The following ALPK1 variants were observed in gnomAD, a reference collection of about 807,000 sequenced individuals.
ALPK1 encodes the protein alpha kinase 1.
In ALPK1, 110 loss-of-function variants were observed where a neutral mutation model predicts 120.6. That is an observed-to-expected ratio of 0.91 (90% CI 0.78 to 1.07). The LOEUF is 1.07. Among genes scored for constraint, ALPK1 ranks in the 50% least tolerant of loss-of-function variants. The probability of loss-of-function intolerance (pLI) is 0.00; values close to 1 mark genes in which losing one functional copy is unlikely to be tolerated. For synonymous variants in ALPK1, 582 were observed against 560.3 expected (o/e 1.04, Z -0.55); for missense variants, 1,498 against 1,483.9 (o/e 1.01, Z -0.16).
intron 2 of ALPK1, among the ~76,000 whole-genome samples, chr4:112,349,551 G>GCCCCCCCCCCCCCCCC (rs10625139): frequency 1.9e-5 from 2 of 103,714 alleles, no homozygotes; most frequent in African/African-American, 8.1e-5. Flanking sequence ...CCCAACCCCT[G>GCCCCCCCCCCCCCCCC]CCCCCCCCCG....
At chr4:112,393,260 T>C (rs1732505303) in intron 4 of ALPK1, among the ~76,000 whole-genome samples, 1 of 152,186 alleles carries the variant, frequency 6.6e-6, no homozygotes, top group African/African-American at 2.4e-5. Context: ...TATTGGCAGA[T>C]AGGCTGCCAT....
chr4:112,404,422 A>G (rs1163165796), intron 4 of ALPK1, among the ~76,000 whole-genome samples: 1 of 152,250 alleles, frequency 6.6e-6, no homozygotes, highest in Non-Finnish European at 1.5e-5. Context: ...AAACAGCACC[A>G]CAAATGAATA....
rs1300534146 is a variant in ALPK1, at chr4:112,430,819, C to G, written c.1272C>G (p.Phe424Leu). ...QVKEHLQVQSFSNVDDRSYVP... is the reference protein window; with the variant it reads ...QVKEHLQVQSLSNVDDRSYVP... ...AGGAACATTTACAAGTTCAAAGCTTCTCAAATGTAGATGACAGATCTTATG... is the reference window on the plus strand; with the variant it reads ...AGGAACATTTACAAGTTCAAAGCTTGTCAAATGTAGATGACAGATCTTATG... Residue 424 changes from phenylalanine (F) to leucine (L), a missense_variant, in exon 11 of 16, where the codon TTC (phenylalanine) becomes TTG (leucine). Physicochemically the swap from Phe to Leu is conservative, Grantham distance 22. Transcript: ENST00000650871. 6.2e-7 allele frequency: 1 copy of G among 1,614,108 alleles called. No individual in the cohort carries two copies. The highest frequency in any genetic ancestry group is 1.3e-5 in the African/African-American group (1 of 74,936).
At chr4:112,335,262 TA>T (rs577049601) in intron 2 of ALPK1, among the ~76,000 whole-genome samples, 797 of 102,060 alleles carry the variant, frequency 7.8e-3, no homozygotes, top group African/African-American at 0.013. Context: ...AAAATCTGTC[TA>T]AAAAAAAAAA....
intron 2 of ALPK1, among the ~76,000 whole-genome samples, chr4:112,350,384 T>A (rs77860718): frequency 1.3e-5 from 2 of 152,214 alleles, no homozygotes; most frequent in Non-Finnish European, 2.9e-5. Flanking sequence ...TACAATATGC[T>A]TCATGCTGTT....
At chr4:112,424,621 C>G (rs1030659252) in intron 6 of ALPK1, among the ~76,000 whole-genome samples, 1 of 152,276 alleles carries the variant, frequency 6.6e-6, no homozygotes, top group East Asian at 1.9e-4. Context: ...CTTTTAAACT[C>G]AGCATGCTTG....
At chr4:112,321,984 G>T (rs188482268) in intron 2 of ALPK1, among the ~76,000 whole-genome samples, 1 of 151,822 alleles carries the variant, frequency 6.6e-6, no homozygotes, top group South Asian at 2.1e-4. Flanking sequence ...AGTAGAGGGC[G>T]GCAGTGAGGC....
chr4:112,342,467 A>G lies in ALPK1; in HGVS notation c.-101+26615A>G, dbSNP rs533953509. Among the ~76,000 whole-genome samples, 38 of 152,326 alleles carry G rather than the reference A, an allele frequency of 2.5e-4. No individual in the cohort carries two copies. In the South Asian group the frequency reaches 6.4e-3, roughly 26 times the overall value. ...TCTACTTTATAATTTAGAATGATCTAGATGCTTTTGATATTTACTATTTTA... is the reference window on the plus strand; with the variant it reads ...TCTACTTTATAATTTAGAATGATCTGGATGCTTTTGATATTTACTATTTTA... On this transcript the variant is annotated intron_variant, in intron 2 of 15. Transcript: ENST00000650871.
At chr4:112,319,966 G>GTA (rs1245177832) in intron 2 of ALPK1, among the ~76,000 whole-genome samples, 1 of 152,080 alleles carries the variant, frequency 6.6e-6, no homozygotes, top group Non-Finnish European at 1.5e-5. Context: ...GGTTTTCTAG[G>GTA]TATACAATCA....
At chr4:112,320,061 C>A (rs1466972493) in intron 2 of ALPK1, among the ~76,000 whole-genome samples, 4 of 152,304 alleles carry the variant, frequency 2.6e-5, no homozygotes, top group South Asian at 4.1e-4. Context: ...ATTGCTCTGG[C>A]TAGGACTTCC....
chr4:112,304,418 C>T (rs1311813943), intron 1 of ALPK1, among the ~76,000 whole-genome samples: 3 of 152,184 alleles, frequency 2.0e-5, no homozygotes, highest in Non-Finnish European at 4.4e-5. Flanking sequence ...CCTGTTGTTT[C>T]CTGACTTTTT....
Position 112,440,850 on chromosome 4 carries a change from T to G in ALPK1, c.3539-67T>G, listed in dbSNP as rs1164189289. 2.0e-6 allele frequency: 3 copies of G among 1,535,472 alleles called. No individual in the cohort carries two copies. The Admixed American group carries it at 6.1e-5, about 31-fold the overall frequency. On this transcript the variant is annotated intron_variant, in intron 14 of 15. Transcript: ENST00000650871. The stretch of plus-strand genomic sequence containing the variant: ...GTGTGTGTGTGTGTGTGTGTATGTA[T>G]TTTTGTAAACACTTGATGGACATTT...
chr4:112,333,033 A>C (rs547397442), intron 2 of ALPK1, among the ~76,000 whole-genome samples: 1 of 152,348 alleles, frequency 6.6e-6, no homozygotes, highest in East Asian at 1.9e-4. Context: ...AGTTCTGGGA[A>C]GTAAGAGACT....
rs145921213 is a variant in ALPK1, at chr4:112,377,628, T to C, written c.-100-50T>C. 26 of 712,232 alleles carry C rather than the reference T, an allele frequency of 3.7e-5. No homozygotes were observed. The East Asian group carries it at 7.6e-4, about 21-fold the overall frequency. The allele number at this position is 712,232 out of a possible 1,614,324, so 44.1% of individuals were successfully genotyped here. A position where few individuals can be genotyped will look rare whatever the true frequency, so the allele number is the denominator to read the frequency against. ...TCCCTCCCTGCTTGAGTCTCACAGA[T>C]AATTGATGATGCTTCAGTTAATCAT... On this transcript the variant is annotated intron_variant, in intron 2 of 15. Coordinates refer to ENST00000650871, the MANE Select transcript of ALPK1 (RefSeq NM_025144.4).
At chr4:112,416,832 C>T (rs1733766012) in intron 5 of ALPK1, among the ~76,000 whole-genome samples, 1 of 147,572 alleles carries the variant, frequency 6.8e-6, no homozygotes, top group Admixed American at 6.8e-5. Flanking sequence ...GCCATGATTA[C>T]ACCACTGCAC....
chr4:112,428,868 C>G (rs949336494), intron 9 of ALPK1, among the ~76,000 whole-genome samples: 2 of 152,190 alleles, frequency 1.3e-5, no homozygotes, highest in Non-Finnish European at 2.9e-5. Context: ...ATCAATTAAT[C>G]TGGCTTCAAA....
chr4:112,340,062 C>T (rs572978631), intron 2 of ALPK1, among the ~76,000 whole-genome samples: 1 of 152,346 alleles, frequency 6.6e-6, no homozygotes, highest in South Asian at 2.1e-4. Flanking sequence ...AAGGATTTCA[C>T]AGCACAGAAA....
At chr4:112,387,391 G>A (rs1732199244) in intron 4 of ALPK1, among the ~76,000 whole-genome samples, 1 of 152,220 alleles carries the variant, frequency 6.6e-6, no homozygotes, top group Non-Finnish European at 1.5e-5. Flanking sequence ...ACAGGTTTGG[G>A]GGTCCTGATG....
At chr4:112,321,627 A>C (rs1270974798) in intron 2 of ALPK1, among the ~76,000 whole-genome samples, 1 of 152,214 alleles carries the variant, frequency 6.6e-6, no homozygotes, top group Non-Finnish European at 1.5e-5. Flanking sequence ...GGAGCAGGTT[A>C]TTTAATTTCC....
Sources: allele counts gnomAD v4.1 joint callset (sites outside exome capture counted in the v4.1 genomes callset), GRCh38; gene constraint gnomAD v4.1.1; transcripts MANE v1.5; gene names NCBI Gene and HGNC (gene_info 2026-07-23, HGNC 2026-07-21).